The following CPEB4 variants were observed in gnomAD, a reference collection of about 807,000 sequenced individuals.
CPEB4 encodes the protein cytoplasmic polyadenylation element-binding protein 4.
A neutral mutation model predicts 72.5 loss-of-function variants in CPEB4; 12 were observed. The observed-to-expected ratio is 0.17, with a 90% CI of 0.11 to 0.27. CPEB4 has a LOEUF of 0.27. Ranked by LOEUF, CPEB4 falls within the 10% of genes least tolerant of loss-of-function variation. CPEB4 has a pLI of 1.00. For missense variants in CPEB4, 614 were observed against 908.5 expected (o/e 0.68, Z 4.17); for synonymous variants, 302 against 326.3 (o/e 0.93, Z 0.80).
intron 3 of CPEB4, among the ~76,000 whole-genome samples, chr5:173,938,971 G>A (rs1039030951): frequency 1.3e-5 from 2 of 152,080 alleles, no homozygotes; most frequent in Admixed American, 6.5e-5. Flanking sequence ...CTCTCCAAAG[G>A]TTCTTGTGGT....
chr5:173,949,878 A>T lies in CPEB4; in HGVS notation c.1547-82A>T, dbSNP rs1285297732. ...TTTCCTATTCCTTTTTCCTTTCTTTAGTTTTGTGCATGATTCCTTTCCCCT... is the reference window on the plus strand; with the variant it reads ...TTTCCTATTCCTTTTTCCTTTCTTTTGTTTTGTGCATGATTCCTTTCCCCT... On this transcript the variant is annotated intron_variant, in intron 6 of 9. Coordinates refer to ENST00000265085, the MANE Select transcript of CPEB4 (RefSeq NM_030627.4). 5 of 935,524 alleles carry T rather than the reference A, an allele frequency of 5.3e-6. No individual in the cohort carries two copies. The highest frequency in any genetic ancestry group is 4.5e-5 in the Admixed American group (2 of 44,848). The allele number at this position is 935,524 out of a possible 1,614,324, so 58.0% of individuals were successfully genotyped here. A position where few individuals can be genotyped will look rare whatever the true frequency, so the allele number is the denominator to read the frequency against.
chr5:173,914,633 G>A (rs1756796033), intron 2 of CPEB4, among the ~76,000 whole-genome samples: 1 of 152,110 alleles, frequency 6.6e-6, no homozygotes, highest in African/African-American at 2.4e-5. Context: ...GTGTGCACCT[G>A]TAGTCCCAGT....
chr5:173,913,930 A>G (rs1288163463), intron 2 of CPEB4, among the ~76,000 whole-genome samples: 3 of 152,240 alleles, frequency 2.0e-5, no homozygotes, highest in African/African-American at 7.2e-5. Flanking sequence ...CCTAATTCAT[A>G]GAAGACACTA....
intron 8 of CPEB4, among the ~76,000 whole-genome samples, chr5:173,952,380 A>T (rs1758241745): frequency 1.3e-5 from 2 of 152,324 alleles, no homozygotes; most frequent in Non-Finnish European, 2.9e-5. Context: ...CTCAACAGCG[A>T]CTGACTGAGC....
intron 1 of CPEB4, among the ~76,000 whole-genome samples, chr5:173,908,850 A>C (rs1206061517): frequency 2.6e-5 from 4 of 152,196 alleles, no homozygotes; most frequent in Non-Finnish European, 4.4e-5. Context: ...ATATAATTGA[A>C]TAGAAGTTTT....
chr5:173,958,963 TTTAC>T lies in CPEB4; in HGVS notation c.*2829_*2832del, dbSNP rs1758462380. On this transcript the variant is annotated 3_prime_UTR_variant, in exon 10 of 10. Transcript: ENST00000265085. ...GTAAGAAATTGTTATTCTACTAATA[TTTAC>T]TTGTGATTGTGTGACAAGTGTGTTT... 2 of 152,786 alleles carry T rather than the reference TTTAC, an allele frequency of 1.3e-5. No homozygotes were observed. Among genetic ancestry groups the T allele is most frequent in the African/African-American group, 4.8e-5 (2 of 41,460 alleles). 9.5% of individuals were successfully genotyped at this position (152,786 alleles called of 1,614,324 possible).
intron 5 of CPEB4, among the ~76,000 whole-genome samples, chr5:173,946,885 A>G (rs1303432968): frequency 6.6e-6 from 1 of 152,020 alleles, no homozygotes; most frequent in East Asian, 1.9e-4. Context: ...TGCTCACACT[A>G]CGTATTCCAA....
intron 5 of CPEB4, among the ~76,000 whole-genome samples, chr5:173,948,275 G>A (rs1758102155): frequency 6.6e-6 from 1 of 152,190 alleles, no homozygotes; most frequent in African/African-American, 2.4e-5. Flanking sequence ...GGCTCATGAA[G>A]GAACAGGATA....
rs919131273 is a variant in CPEB4 at position 173,960,466 on chromosome 5, T to G, written c.*4329T>G. 3 of 152,360 alleles carry G rather than the reference T, an allele frequency of 2.0e-5. No homozygotes were observed. The highest frequency in any genetic ancestry group is 4.4e-5 in the Non-Finnish European group (3 of 68,064). 9.4% of individuals were successfully genotyped at this position (152,360 alleles called of 1,614,324 possible). A position where few individuals can be genotyped will look rare whatever the true frequency, so the allele number is the denominator to read the frequency against. ...AGTCATATAAGTACTGTGGCCAGTG[T>G]GCATTCTTATGTAAGCCTATAAGCG... On this transcript the variant is annotated 3_prime_UTR_variant, in exon 10 of 10. Coordinates refer to ENST00000265085, the MANE Select transcript of CPEB4 (RefSeq NM_030627.4).
Position 173,950,131 on chromosome 5 carries a change from T to G in CPEB4, c.1665+53T>G. The stretch of plus-strand genomic sequence containing the variant: ...TCTTGTTTTTGCCTCCATTCATCTG[T>G]TATATTTGAAAAACCCATAGACAAC... On this transcript the variant is annotated intron_variant, in intron 7 of 9. Transcript: ENST00000265085. This position sits in a 1 kb window ranked among gnomAD's most constrained non-coding sequence, Gnocchi z 5.0. The G allele has an allele frequency of 9.0e-7, 1 of 1,106,800 alleles. No homozygotes were observed. The highest frequency in any genetic ancestry group is 1.3e-6 in the Non-Finnish European group (1 of 745,708). The allele number at this position is 1,106,800 out of a possible 1,614,324, so 68.6% of individuals were successfully genotyped here. A position where few individuals can be genotyped will look rare whatever the true frequency, so the allele number is the denominator to read the frequency against.
chr5:173,917,079 C>G (rs1418812545), intron 2 of CPEB4, among the ~76,000 whole-genome samples: 2 of 152,138 alleles, frequency 1.3e-5, no homozygotes, highest in Admixed American at 1.3e-4. Context: ...GATACTGACT[C>G]TGTGCAGGCT....
At chr5:173,942,193 A>G (rs1757871213) in intron 3 of CPEB4, among the ~76,000 whole-genome samples, 1 of 152,238 alleles carries the variant, frequency 6.6e-6, no homozygotes, top group African/African-American at 2.4e-5. Flanking sequence ...AAAAGCTGCT[A>G]GTTCCTGGAG....
intron 9 of CPEB4, 127 bp downstream of exon 9, chr5:173,953,399 T>A: frequency 1.5e-6 from 1 of 652,266 alleles, no homozygotes; most frequent in Non-Finnish European, 2.5e-6. Context: ...TAGAGTTAAT[T>A]ATGGTCTATA....
intron 2 of CPEB4, among the ~76,000 whole-genome samples, chr5:173,920,397 A>G (rs1410128217): frequency 6.6e-6 from 1 of 152,260 alleles, no homozygotes; most frequent in Non-Finnish European, 1.5e-5. Flanking sequence ...TGAAATATAA[A>G]TAACTTTTAA....
At chr5:173,932,248 G>C (rs552405349) in intron 2 of CPEB4, among the ~76,000 whole-genome samples, 26 of 152,242 alleles carry the variant, frequency 1.7e-4, no homozygotes, top group African/African-American at 6.0e-4. Context: ...AAATTAGAAG[G>C]ACCTAGTTAA....
chr5:173,906,443 T>C (rs1756439033), intron 1 of CPEB4, among the ~76,000 whole-genome samples: 1 of 152,252 alleles, frequency 6.6e-6, no homozygotes, highest in Admixed American at 6.5e-5. Context: ...GCTTTTGAAC[T>C]CTTTGAATTA....
chr5:173,939,754 T>C (rs1581158262), intron 3 of CPEB4, among the ~76,000 whole-genome samples: 1 of 48,864 alleles, frequency 2.0e-5, no homozygotes, highest in South Asian at 9.3e-4. Context: ...ATTTTGAGCC[T>C]TTTTTTTTTT....
intron 2 of CPEB4, among the ~76,000 whole-genome samples, chr5:173,922,615 C>T (rs867307967): frequency 1.3e-5 from 2 of 152,226 alleles, no homozygotes. Flanking sequence ...TCACACATCA[C>T]AGTTGGCTGG....
rs1184794488 is a variant in CPEB4 at position 173,960,164 on chromosome 5, C to A, written c.*4027C>A. The A allele has an allele frequency of 6.6e-6, 1 of 152,456 alleles. No homozygotes were observed. The highest frequency in any genetic ancestry group is 6.6e-5 in the Admixed American group (1 of 15,252). The allele number at this position is 152,456 out of a possible 1,614,324, so 9.4% of individuals were successfully genotyped here. A position where few individuals can be genotyped will look rare whatever the true frequency, so the allele number is the denominator to read the frequency against. ...TACTCTTAAGTTATATAACACAGTTCCTTTTTTAAAAGAGTTCATTTGTTG... is the reference window on the plus strand; with the variant it reads ...TACTCTTAAGTTATATAACACAGTTACTTTTTTAAAAGAGTTCATTTGTTG... On this transcript the variant is annotated 3_prime_UTR_variant, in exon 10 of 10. Coordinates refer to ENST00000265085, the MANE Select transcript of CPEB4 (RefSeq NM_030627.4).
Sources: gnomAD v4.1 joint callset for allele counts (sites outside exome capture counted in the v4.1 genomes callset) on GRCh38, gnomAD v4.1.1 for gene constraint, Gnocchi (gnomAD v3.1) non-coding constraint, MANE v1.5 for transcripts, NCBI Gene and HGNC (gene_info 2026-07-23, HGNC 2026-07-21) for gene names.